The following GSR variants were observed in gnomAD, a reference collection of about 807,000 sequenced individuals.
The protein encoded by GSR is glutathione-disulfide reductase.
GSR carries 48 observed loss-of-function variants against 56.5 expected under a neutral mutation model. That is an observed-to-expected ratio of 0.85 (90% CI 0.67 to 1.08). The LOEUF (loss-of-function observed/expected upper bound fraction) is 1.08, where lower values mean the gene tolerates loss of function less well. Among genes scored for constraint, GSR ranks in the 50% least tolerant of loss-of-function variants. GSR has a pLI of 0.00. For missense variants in GSR, 694 were observed against 703.3 expected, an observed-to-expected ratio of 0.99 and a Z score of 0.15; for synonymous variants, 264 against 270.8, an observed-to-expected ratio of 0.97 and a Z score of 0.25.
In GSR at chr8:30,696,449, A is replaced by T; in HGVS notation, c.726T>A (p.Ile242=). 6.2e-7 allele frequency: 1 copy of T among 1,613,368 alleles called. No homozygotes were observed. The highest frequency in any genetic ancestry group is 8.5e-7 in the Non-Finnish European group (1 of 1,179,280). Reference sequence around the variant, plus strand: ...ACAGGATCCCTGCCATCTCCACAGCAATGTAACCTGCACCAACAATGACGC... The same window carrying T: ...ACAGGATCCCTGCCATCTCCACAGCTATGTAACCTGCACCAACAATGACGC... ...GRSVIVGAGY[I]AVEMAGILSA... is the part of the protein sequence containing the mutation. The change falls in exon 7 of 13, where the codon ATT becomes ATA. Residue 242 remains isoleucine, a synonymous_variant. Coordinates refer to ENST00000221130, the MANE Select transcript of GSR (RefSeq NM_000637.5).
At chr8:30,705,233 G>A (rs1205009906) in intron 4 of GSR, among the ~76,000 whole-genome samples, 3 of 150,486 alleles carry the variant, frequency 2.0e-5, no homozygotes, top group Non-Finnish European at 4.4e-5. Context: ...CAAGATCAGC[G>A]TGGGCAACAT....
intron 1 of GSR, among the ~76,000 whole-genome samples, chr8:30,725,530 A>T (rs927255374): frequency 6.6e-6 from 1 of 151,966 alleles, no homozygotes; most frequent in Admixed American, 6.6e-5. Context: ...ACTGCACTCC[A>T]GCCTGGGTGA....
At position 30,703,173 on chromosome 8, in the gene GSR, C is replaced by T; in HGVS notation, c.560G>A (p.Ser187Asn). The change falls in exon 5 of 13, where the codon AGT (serine) becomes AAT (asparagine). Residue 187 changes from serine (S) to asparagine (N), a missense_variant. By Grantham distance (46) the Ser-to-Asn change is conservative. Coordinates refer to ENST00000221130, the MANE Select transcript of GSR (RefSeq NM_000637.5). ...TSDPKPTIEV[S>N]GKKYTAPHIL... The stretch of plus-strand genomic sequence containing the variant: ...GTGTGGGGCGGTGTACTTTTTCCCA[C>T]TGACCTCTATTGTGGGCTTGGGATC... The T allele has an allele frequency of 2.5e-6, 4 of 1,614,056 alleles. No homozygotes were observed. In the South Asian group the frequency reaches 4.4e-5, roughly 18 times the overall value.
intron 9 of GSR, among the ~76,000 whole-genome samples, chr8:30,684,940 T>C (rs943255314): frequency 4.7e-4 from 13 of 27,624 alleles, no homozygotes; most frequent in Admixed American, 2.8e-4. Context: ...TTTATTTATT[T>C]ATTTATTTAT....
In GSR at chr8:30,727,672, G is replaced by A. The variant is rs1254352177; in HGVS notation, c.164C>T (p.Pro55Leu). ...ACRQEPQPQG[P>L]PPAAGAVASY... ...GGCCACGGCGCCAGCAGCGGGCGGC[G>A]GGCCCTGCGGCTGCGGCTCCTGCCT... The change falls in exon 1 of 13, where the codon CCG (proline) becomes CTG (leucine). Residue 55 changes from proline to leucine, a missense_variant. By Grantham distance (98) the Pro-to-Leu change is moderately conservative (BLOSUM62 -3). Transcript: ENST00000221130. The A allele has an allele frequency of 4.8e-6, 7 of 1,443,992 alleles. No homozygotes were observed. In the East Asian group the frequency reaches 1.7e-4, roughly 36 times the overall value. 89.4% of individuals were successfully genotyped at this position (1,443,992 alleles called of 1,614,324 possible). A position where few individuals can be genotyped will look rare whatever the true frequency, so the allele number is the denominator to read the frequency against.
At chr8:30,690,760 G>A (rs1321721577) in intron 8 of GSR, among the ~76,000 whole-genome samples, 1 of 152,118 alleles carries the variant, frequency 6.6e-6, no homozygotes, top group African/African-American at 2.4e-5. Flanking sequence ...AATTCAAAGG[G>A]TATGATTTAA....
intron 8 of GSR, among the ~76,000 whole-genome samples, 159 bp from the exon 9 acceptor site, chr8:30,689,478 C>T (rs1803287816): frequency 6.6e-6 from 1 of 152,110 alleles, no homozygotes; most frequent in Admixed American, 6.6e-5. Flanking sequence ...CCAAAGGCCA[C>T]CAACACTTGA....
At chr8:30,691,395 GAT>G (rs1236785828) in intron 8 of GSR, among the ~76,000 whole-genome samples, 3 of 150,700 alleles carry the variant, frequency 2.0e-5, no homozygotes, top group Non-Finnish European at 4.4e-5. Context: ...ACCCAAGAAA[GAT>G]AGGCTGGGCA....
chr8:30,707,365 G>A (rs555089085), intron 4 of GSR, among the ~76,000 whole-genome samples: 2 of 152,154 alleles, frequency 1.3e-5, no homozygotes, highest in African/African-American at 4.8e-5. Flanking sequence ...CTTCTGCTCT[G>A]ACAGGTCAAT....
At chr8:30,689,759 TATAC>T (rs1450315323) in intron 8 of GSR, among the ~76,000 whole-genome samples, 4 of 144,490 alleles carry the variant, frequency 2.8e-5, no homozygotes, top group Non-Finnish European at 6.0e-5. Flanking sequence ...TATATATATA[TATAC>T]ACACACACAT....
At chr8:30,722,808 A>G (rs1804594074) in intron 1 of GSR, among the ~76,000 whole-genome samples, 1 of 151,786 alleles carries the variant, frequency 6.6e-6, no homozygotes, top group South Asian at 2.1e-4. Flanking sequence ...ATCAAAGTAC[A>G]CAGTATCACT....
chr8:30,714,310 C>T (rs915112293), intron 1 of GSR, among the ~76,000 whole-genome samples: 1 of 131,884 alleles, frequency 7.6e-6, no homozygotes, highest in African/African-American at 2.8e-5. Flanking sequence ...TCCCCGGGAT[C>T]AAACAATTCT....
chr8:30,721,084 A>G lies in GSR; in HGVS notation c.306+6446T>C, dbSNP rs568222720. Among the ~76,000 whole-genome samples the G allele has an allele frequency of 1.1e-4, 16 of 152,296 alleles. No homozygotes were observed. The South Asian group carries it at 2.1e-3, about 20-fold the overall frequency. ...GCACTCCAGCCTGGGCGACAGAGTG[A>G]GACCCTGCCTCAAAAAACAAAAAAA... On this transcript the variant is annotated intron_variant, in intron 1 of 12. Transcript: ENST00000221130.
chr8:30,708,614 C>T (rs1475728648), intron 3 of GSR, among the ~76,000 whole-genome samples: 1 of 152,166 alleles, frequency 6.6e-6, no homozygotes, highest in Non-Finnish European at 1.5e-5. Flanking sequence ...GAGACCTGAA[C>T]AGATACCCAT....
chr8:30,688,002 C>T (rs1346848688), intron 9 of GSR, among the ~76,000 whole-genome samples: 3 of 152,158 alleles, frequency 2.0e-5, no homozygotes, highest in Non-Finnish European at 4.4e-5. Flanking sequence ...TTGGGTCAAA[C>T]TCTGGGAACC....
Position 30,693,008 on chromosome 8 carries a change from CT to C in GSR, c.842del (p.Glu281GlyfsTer10). 1 of 1,613,218 alleles carries C rather than the reference CT, an allele frequency of 6.2e-7. No individual in the cohort carries two copies. The highest frequency in any genetic ancestry group is 8.5e-7 in the Non-Finnish European group (1 of 1,179,460). ...GCACCTCCACGCCAGCGTTCTCCAG[CT>C]CCTCCGTGCAGTTGGTGCTGATCAT... is the stretch of plus-strand genomic sequence containing the variant. The part of the protein sequence containing the change: ...DSMISTNCTE[E>X]LENAGVEVLK... On this transcript the variant is annotated frameshift_variant, in exon 8 of 13. Coordinates refer to ENST00000221130, the MANE Select transcript of GSR (RefSeq NM_000637.5). LOFTEE classifies it high-confidence loss of function.
chr8:30,714,051 T>C (rs965014755), intron 1 of GSR, among the ~76,000 whole-genome samples: 2 of 152,162 alleles, frequency 1.3e-5, no homozygotes, highest in African/African-American at 4.8e-5. Context: ...AAAAGAAAGT[T>C]GCAGAATAGT....
chr8:30,681,020 A>G lies in GSR; in HGVS notation c.1303T>C (p.Tyr435His). 6.2e-7 allele frequency: 1 copy of G among 1,610,056 alleles called. No individual in the cohort carries two copies. The highest frequency in any genetic ancestry group is 8.5e-7 in the Non-Finnish European group (1 of 1,176,564). Reference sequence around the variant, plus strand: ...TAGGTCTTCACATTTTCTATTCCATATTTATGAATGGCTTCATCTACAATG... The same window carrying G: ...TAGGTCTTCACATTTTCTATTCCATGTTTATGAATGGCTTCATCTACAATG... ...GLTEDEAIHK[Y>H]GIENVKTYST... Residue 435 changes from tyrosine to histidine, a missense_variant, in exon 12 of 13, where the codon TAT (tyrosine) becomes CAT (histidine). Coordinates refer to ENST00000221130, the MANE Select transcript of GSR (RefSeq NM_000637.5).
At chr8:30,706,191 G>T (rs749953665) in intron 4 of GSR, among the ~76,000 whole-genome samples, 79 of 149,082 alleles carry the variant, frequency 5.3e-4, no homozygotes, top group Non-Finnish European at 8.0e-4. Context: ...AAAAAAAAAA[G>T]TTACTGATCT....
Sources: allele counts gnomAD v4.1 joint callset (sites outside exome capture counted in the v4.1 genomes callset), GRCh38; gene constraint gnomAD v4.1.1; transcripts MANE v1.5; gene names NCBI Gene and HGNC (gene_info 2026-07-23, HGNC 2026-07-21).